The following KLRG1 variants were observed in gnomAD, a reference collection of about 807,000 sequenced individuals.
KLRG1 encodes the protein killer cell lectin like receptor G1.
In KLRG1, 16 loss-of-function variants were observed where a neutral mutation model predicts 21.8. The observed-to-expected ratio is 0.73, with a 90% confidence interval of 0.50 to 1.11. The LOEUF is 1.11. Among genes scored for constraint, KLRG1 ranks in the 50% most tolerant of loss-of-function variants. The pLI is 0.00. For synonymous variants in KLRG1, 69 were observed against 75.9 expected (o/e 0.91, Z 0.47); for missense variants, 173 against 218.3 (o/e 0.79, Z 1.31).
At chr12:9,119,282 TAGG>T in the KLRG1 span, among the ~76,000 whole-genome samples, 1 of 152,218 alleles carries the variant, frequency 6.6e-6, no homozygotes, top group Non-Finnish European at 1.5e-5. Context: ...TGACTTAAAA[TAGG>T]AGGGATTAAT....
At chr12:9,205,677 T>C in the KLRG1 span, among the ~76,000 whole-genome samples, 4 of 152,340 alleles carry the variant, frequency 2.6e-5, no homozygotes, top group Admixed American at 2.6e-4. Context: ...AGAGTAAATT[T>C]GCAAGTAAAA....
the KLRG1 span, among the ~76,000 whole-genome samples, chr12:9,033,429 A>G: frequency 6.6e-6 from 1 of 151,552 alleles, no homozygotes. Flanking sequence ...AGGGTGACAG[A>G]ATGAGACTCT....
chr12:8,982,142 C>G (rs756521071), intron 1 of KLRG1, among the ~76,000 whole-genome samples: 47 of 152,236 alleles, frequency 3.1e-4, no homozygotes, highest in African/African-American at 1.1e-3. Context: ...TAGGATTAAG[C>G]TAATAATCTT....
upstream of KLRG1, among the ~76,000 whole-genome samples, chr12:8,985,046 T>C (rs1051402620): frequency 6.6e-6 from 1 of 152,180 alleles, no homozygotes; most frequent in African/African-American, 2.4e-5. Flanking sequence ...TATTGCTACA[T>C]TGTTTGAATT....
the KLRG1 span, chr12:9,110,203 G>T: frequency 1.8e-5 from 21 of 1,137,614 alleles, no homozygotes; most frequent in South Asian, 2.6e-4. Context: ...GAGTTTGAAG[G>T]CTTCTCCTTT....
intron 3 of KLRG1, among the ~76,000 whole-genome samples, chr12:9,001,580 A>G (rs1057106993): frequency 6.6e-6 from 1 of 151,684 alleles, no homozygotes; most frequent in African/African-American, 2.4e-5. Flanking sequence ...TCCATCTCTG[A>G]CCCCCTGGCC....
chr12:9,052,028 C>T, the KLRG1 span, among the ~76,000 whole-genome samples: 46 of 152,108 alleles, frequency 3.0e-4, no homozygotes, highest in African/African-American at 1.1e-3. Flanking sequence ...AAATCTGGGC[C>T]CCAGCTGATG....
At chr12:8,983,395 C>CTTTTTTTTTTT (rs764267755) in intron 1 of KLRG1, among the ~76,000 whole-genome samples, 2 of 89,542 alleles carry the variant, frequency 2.2e-5, no homozygotes, top group Non-Finnish European at 4.2e-5. Flanking sequence ...ACCATTTTAC[C>CTTTTTTTTTTT]TTTTTTTTTT....
rs968279130 is a variant in KLRG1, at chr12:8,983,440, G to T, written c.-155-8766G>T. ...TTTGAGACAGAGTTTCGCTCTTGTTGCCCAGGCTGGAGTGTAATGGTGCAA... is the reference window on the plus strand; with the variant it reads ...TTTGAGACAGAGTTTCGCTCTTGTTTCCCAGGCTGGAGTGTAATGGTGCAA... On this transcript the variant is annotated intron_variant, in intron 1 of 4. Coordinates refer to the KLRG1 transcript ENST00000539240. 8.3e-5 allele frequency among the ~76,000 whole-genome samples: 8 copies of T among 96,552 alleles called. No individual in the cohort carries two copies. The South Asian group carries it at 2.4e-3, about 29-fold the overall frequency. The allele number at this position is 96,552 out of a possible 152,430, so 63.3% of individuals were successfully genotyped here.
intron 1 of KLRG1, among the ~76,000 whole-genome samples, chr12:8,955,611 T>C (rs748999432): frequency 1.5e-4 from 23 of 151,888 alleles, no homozygotes; most frequent in Middle Eastern, 3.4e-3. Flanking sequence ...GAGCTGGTCT[T>C]GAATTCCTGG....
chr12:8,970,778 GTT>G (rs1480603087), intron 1 of KLRG1, among the ~76,000 whole-genome samples: 2 of 152,144 alleles, frequency 1.3e-5, no homozygotes, highest in African/African-American at 4.8e-5. Flanking sequence ...AATTGAGAAA[GTT>G]TCCTTCTGTT....
chr12:9,046,414 C>T, the KLRG1 span, among the ~76,000 whole-genome samples: 1 of 152,140 alleles, frequency 6.6e-6, no homozygotes, highest in South Asian at 2.1e-4. Flanking sequence ...TCAGAGAACA[C>T]CACACAGGAT....
At chr12:9,154,775 G>A in the KLRG1 span, 7 of 1,614,132 alleles carry the variant, frequency 4.3e-6, no homozygotes, top group South Asian at 3.3e-5. Context: ...AGGGAGCCTG[G>A]GTTTGGTAAA....
At chr12:9,097,280 A>T in the KLRG1 span, among the ~76,000 whole-genome samples, 24,588 of 152,108 alleles carry the variant, frequency 0.16, 2,126 homozygotes, top group Middle Eastern at 0.21. Context: ...AGTAAGAAAC[A>T]TTTTTTTATA....
the KLRG1 span, among the ~76,000 whole-genome samples, chr12:9,215,158 T>G: frequency 2.0e-5 from 3 of 152,030 alleles, no homozygotes; most frequent in African/African-American, 7.2e-5. Context: ...TTGTTGCTTC[T>G]TTATGCTTGC....
the KLRG1 span, chr12:9,069,790 G>C: frequency 6.2e-7 from 1 of 1,612,972 alleles, no homozygotes; most frequent in Non-Finnish European, 8.5e-7. Context: ...CTTCTGTCCG[G>C]CTCACATGGT....
chr12:9,191,856 G>A, the KLRG1 span, among the ~76,000 whole-genome samples: 1 of 151,918 alleles, frequency 6.6e-6, no homozygotes, highest in Non-Finnish European at 1.5e-5. Context: ...TTTCTTCTCT[G>A]CAATGTTAAT....
the KLRG1 span, chr12:9,169,485 C>A: frequency 6.2e-7 from 1 of 1,612,478 alleles, no homozygotes; most frequent in African/African-American, 1.3e-5. Flanking sequence ...ATAGATGGCT[C>A]CATTATGAAT....
upstream of KLRG1, among the ~76,000 whole-genome samples, chr12:8,985,103 C>T (rs770636899): frequency 1.4e-4 from 21 of 151,982 alleles, no homozygotes; most frequent in Admixed American, 2.6e-4. Context: ...AAGATCCAAT[C>T]CAGGATACCA....
Sources: allele counts gnomAD v4.1 joint callset (sites outside exome capture counted in the v4.1 genomes callset), GRCh38; gene constraint gnomAD v4.1.1; transcripts MANE v1.5; gene names NCBI Gene and HGNC (gene_info 2026-07-23, HGNC 2026-07-21).